Variants in DUSP15 observed in about 807,000 individuals in gnomAD.
The protein encoded by DUSP15 is dual specificity protein phosphatase 15.
A neutral mutation model predicts 26.3 loss-of-function variants in DUSP15; 23 were observed. The ratio of observed to expected loss-of-function variants is 0.87; its 90% CI spans 0.63 to 1.24. The LOEUF (loss-of-function observed/expected upper bound fraction) is 1.24. DUSP15 is among the 50% of genes most tolerant of loss of function. The pLI, the probability that DUSP15 is intolerant of heterozygous loss-of-function variation, is 0.00. For synonymous variants in DUSP15, 143 were observed against 135.5 expected, an observed-to-expected ratio of 1.06 and a Z score of -0.39; for missense variants, 364 against 320.6, an observed-to-expected ratio of 1.14 and a Z score of -1.03.
At chr20:31,846,469 AGAGAGAG>A (rs2062379775), downstream of DUSP15, among the ~76,000 whole-genome samples, 1 of 80,008 alleles carries the variant, frequency 1.2e-5, no homozygotes, top group African/African-American at 8.5e-5. Flanking sequence ...AGAGAGAGAG[AGAGAGAG>A]GAGAGAGAGG....
At chr20:31,860,957 G>A, downstream of DUSP15, 1 of 990,890 alleles carries the variant, frequency 1.0e-6, no homozygotes, top group Non-Finnish European at 1.2e-6. Context: ...CCCAGGGGAT[G>A]CAGGCTCCCT....
intron 5 of DUSP15, 93 bp from the exon 6 acceptor site, chr20:31,862,835 G>T: frequency 7.6e-7 from 1 of 1,315,182 alleles, no homozygotes; most frequent in East Asian, 2.6e-5. Context: ...CCCCACCCTT[G>T]CCTCCTGAGC....
intron 6 of DUSP15, among the ~76,000 whole-genome samples, chr20:31,853,100 T>G (rs1297572857): frequency 6.6e-6 from 1 of 151,716 alleles, no homozygotes; most frequent in East Asian, 1.9e-4. Context: ...CCCTTTCCTT[T>G]CCCTCCCTCC....
downstream of DUSP15, among the ~76,000 whole-genome samples, chr20:31,860,151 G>A (rs942799405): frequency 6.6e-6 from 1 of 152,206 alleles, no homozygotes. Flanking sequence ...GAGCACAATG[G>A]CTGGCACACA....
chr20:31,862,767 G>A (rs745620909), intron 5 of DUSP15, 25 bp from the exon 6 acceptor site: 1 of 1,570,846 alleles, frequency 6.4e-7, no homozygotes, highest in South Asian at 1.2e-5. Flanking sequence ...AACCCCTCAG[G>A]CTTCAAGTAA....
At position 31,863,892 on chromosome 20, in the gene DUSP15, C is replaced by T. The variant is rs764190282; in HGVS notation, c.263+15G>A. The stretch of plus-strand genomic sequence containing the variant: ...TTCCTTCCTCCCCCACCTTATCCCC[C>T]TCCGCTTAACTCACCAGTGCACAAG... On this transcript the variant is annotated intron_variant, in intron 5 of 6. Transcript: ENST00000339738. 3.7e-6 allele frequency: 6 copies of T among 1,612,956 alleles called. No homozygotes were observed. Among genetic ancestry groups the T allele is most frequent in the Non-Finnish European group, 5.1e-6 (6 of 1,179,058 alleles).
chr20:31,849,928 C>T (rs1025647211), intron 7 of DUSP15: 2 of 1,422,596 alleles, frequency 1.4e-6, no homozygotes, highest in African/African-American at 1.5e-5. Context: ...TAGCTCCCCT[C>T]GCCTTCTTAC....
chr20:31,869,919 T>G, intron 1 of DUSP15: 2 of 1,340,916 alleles, frequency 1.5e-6, no homozygotes, highest in Non-Finnish European at 9.6e-7. Flanking sequence ...GGGATGGAAA[T>G]TCTGGGGCTG....
chr20:31,860,817 G>A (rs2062632834), downstream of DUSP15, among the ~76,000 whole-genome samples: 1 of 152,170 alleles, frequency 6.6e-6, no homozygotes, highest in Non-Finnish European at 1.5e-5. Context: ...TCCGAGAGAA[G>A]GAGGGACTTG....
chr20:31,848,736 A>G, intron 9 of DUSP15: 1 of 1,517,316 alleles, frequency 6.6e-7, no homozygotes. Context: ...GACTGGAGGG[A>G]GTGTGGGAAG....
intron 2 of DUSP15, among the ~76,000 whole-genome samples, chr20:31,868,727 G>A (rs371288620): frequency 5.9e-5 from 9 of 152,046 alleles, no homozygotes; most frequent in Non-Finnish European, 7.4e-5. Flanking sequence ...TGGTCTGCCC[G>A]CCTCCGCCTC....
In DUSP15 at chr20:31,861,273, C is replaced by A; in HGVS notation, c.*130G>T. ...TGCAGACGCGGACGAGCAGGGCGGG[C>A]GCGGGAGGCAGGGTTCAGGCCGCCG... is the stretch of plus-strand genomic sequence containing the variant. On this transcript the variant is annotated 3_prime_UTR_variant, in exon 7 of 7. Coordinates refer to ENST00000339738, the MANE Select transcript of DUSP15 (RefSeq NM_080611.5). 3 of 1,363,420 alleles carry A rather than the reference C, an allele frequency of 2.2e-6. No individual in the cohort carries two copies. Among genetic ancestry groups the A allele is most frequent in the Non-Finnish European group, 2.8e-6 (3 of 1,064,940 alleles). 84.5% of individuals were successfully genotyped at this position (1,363,420 alleles called of 1,614,324 possible).
At chr20:31,867,745 C>T (rs913791315) in intron 2 of DUSP15, among the ~76,000 whole-genome samples, 1 of 148,168 alleles carries the variant, frequency 6.7e-6, no homozygotes, top group Admixed American at 6.9e-5. Flanking sequence ...CCCGGGTTCA[C>T]GCCATTCTCC....
At chr20:31,858,182 G>T (rs2062592260), downstream of DUSP15, among the ~76,000 whole-genome samples, 1 of 152,154 alleles carries the variant, frequency 6.6e-6, no homozygotes, top group Admixed American at 6.5e-5. This position sits in a 1 kb window ranked among gnomAD's most constrained non-coding sequence, Gnocchi z 4.4. Flanking sequence ...TGGTAGCCCT[G>T]CTTGGCTACA....
In DUSP15 at chr20:31,869,980, G is replaced by GC. The variant is rs540936007; in HGVS notation, c.21+336dup. 43 of 1,342,710 alleles carry GC rather than the reference G, an allele frequency of 3.2e-5. No homozygotes were observed. In the African/African-American group the frequency reaches 3.5e-4, roughly 11 times the overall value. The allele number at this position is 1,342,710 out of a possible 1,614,324, so 83.2% of individuals were successfully genotyped here. On this transcript the variant is annotated intron_variant, in intron 1 of 6. Coordinates refer to ENST00000339738, the MANE Select transcript of DUSP15 (RefSeq NM_080611.5). The stretch of plus-strand genomic sequence containing the variant: ...AGAGGCGGGACAGGATGGAGAAACA[G>GC]CCCCGGAGAGAGCCGAGGAGTCAGC...
Position 31,870,309 on chromosome 20 carries a change from C to G in DUSP15, c.21+8G>C, listed in dbSNP as rs2062894081. 2 of 1,249,586 alleles carry G rather than the reference C, an allele frequency of 1.6e-6. No individual in the cohort carries two copies. Among genetic ancestry groups the G allele is most frequent in the Non-Finnish European group, 2.0e-6 (2 of 997,806 alleles). 77.4% of individuals were successfully genotyped at this position (1,249,586 alleles called of 1,614,324 possible). On this transcript the variant is annotated splice_region_variant and intron_variant, in intron 1 of 6. Coordinates refer to ENST00000339738, the MANE Select transcript of DUSP15 (RefSeq NM_080611.5). This position sits in a 1 kb window ranked among gnomAD's most constrained non-coding sequence, Gnocchi z 6.6. ...GACCGGGGAGGCTGCGCGGGGCCCGCCCCCTACCTTGGTCATGCCATTGCC... is the reference window on the plus strand; with the variant it reads ...GACCGGGGAGGCTGCGCGGGGCCCGGCCCCTACCTTGGTCATGCCATTGCC...
At chr20:31,846,726 C>T (rs979133380), downstream of DUSP15, among the ~76,000 whole-genome samples, 2 of 152,116 alleles carry the variant, frequency 1.3e-5, no homozygotes, top group African/African-American at 2.4e-5. Context: ...GCATCCCTGT[C>T]GCCCCCTAGT....
intron 2 of DUSP15, 150 bp downstream of exon 2, chr20:31,869,414 C>G: frequency 9.5e-7 from 1 of 1,056,352 alleles, no homozygotes; most frequent in Non-Finnish European, 1.4e-6. Flanking sequence ...CACCCCTTGT[C>G]CTCCATCAGC....
At chr20:31,850,634 GGCATTGGGCACCAGAGGT>G in exon 7 of DUSP15, 1 of 1,611,986 alleles carries the variant, frequency 6.2e-7, no homozygotes, top group Non-Finnish European at 8.5e-7. Flanking sequence ...GTCATCGGAG[GGCATTGGGCACCAGAGGT>G]TTTTGAGGTC....
Sources: gnomAD v4.1 joint callset for allele counts (sites outside exome capture counted in the v4.1 genomes callset) on GRCh38, gnomAD v4.1.1 for gene constraint, Gnocchi (gnomAD v3.1) non-coding constraint, MANE v1.5 for transcripts, NCBI Gene and HGNC (gene_info 2026-07-23, HGNC 2026-07-21) for gene names.